The following C12orf42 variants were observed in gnomAD, a reference collection of about 807,000 sequenced individuals.
The protein encoded by C12orf42 is uncharacterized protein C12orf42.
A neutral mutation model predicts 21.6 loss-of-function variants in C12orf42; 25 were observed. The ratio of observed to expected loss-of-function variants is 1.16; its 90% confidence interval spans 0.84 to 1.62. The LOEUF is 1.62. Ranked by LOEUF, C12orf42 falls within the 40% of genes most tolerant of loss-of-function variation. C12orf42 has a pLI of 0.00. For synonymous variants in C12orf42, 174 were observed against 175.0 expected, an observed-to-expected ratio of 0.99 and a Z score of 0.05; for missense variants, 483 against 459.3, an observed-to-expected ratio of 1.05 and a Z score of -0.47.
chr12:103,414,658 T>C (rs1448539458), intron 2 of C12orf42, among the ~76,000 whole-genome samples: 2 of 152,192 alleles, frequency 1.3e-5, no homozygotes, highest in Non-Finnish European at 2.9e-5. Context: ...TTGTGGCTAT[T>C]GTAAGTAGGA....
the C12orf42 span, among the ~76,000 whole-genome samples, chr12:103,091,622 C>T: frequency 2.0e-5 from 3 of 152,080 alleles, no homozygotes; most frequent in East Asian, 3.9e-4. Flanking sequence ...TGGGATCATT[C>T]GATTGTCAGC....
the C12orf42 span, among the ~76,000 whole-genome samples, chr12:103,216,808 A>C: frequency 5.3e-5 from 8 of 152,068 alleles, no homozygotes; most frequent in Non-Finnish European, 7.4e-5. Context: ...GACAAACACC[A>C]AGTCCTCCAT....
intron 4 of C12orf42, among the ~76,000 whole-genome samples, chr12:103,351,101 C>G (rs1289510287): frequency 2.0e-5 from 3 of 152,100 alleles, no homozygotes; most frequent in Admixed American, 1.3e-4. Context: ...AAAATAAGCT[C>G]TATAAGGTGT....
the C12orf42 span, among the ~76,000 whole-genome samples, chr12:103,192,020 AC>A: frequency 1.3e-5 from 2 of 152,274 alleles, no homozygotes; most frequent in Middle Eastern, 6.8e-3. Flanking sequence ...ATATATTGCT[AC>A]AAAAAATCAT....
chr12:103,249,598 C>T (rs889257382), intron 10 of C12orf42, among the ~76,000 whole-genome samples: 8 of 152,024 alleles, frequency 5.3e-5, no homozygotes, highest in Non-Finnish European at 7.4e-5. Context: ...TTACACTATC[C>T]CATATCTGTT....
At chr12:103,479,400 C>CA (rs1223618464) in intron 1 of C12orf42, among the ~76,000 whole-genome samples, 2 of 151,720 alleles carry the variant, frequency 1.3e-5, no homozygotes, top group Non-Finnish European at 2.9e-5. Context: ...TGTGGAGTTG[C>CA]AAAAAATAAG....
the C12orf42 span, among the ~76,000 whole-genome samples, chr12:103,543,890 TG>T: frequency 0.34 from 36,657 of 108,820 alleles, 5,111 homozygotes; most frequent in South Asian, 0.53. Context: ...GTTTTTTTTT[TG>T]TTTTGTTTTT....
chr12:103,291,151 T>G (rs1419305734), intron 4 of C12orf42, among the ~76,000 whole-genome samples: 1 of 152,156 alleles, frequency 6.6e-6, no homozygotes, highest in Non-Finnish European at 1.5e-5. Context: ...TAAAGAAAAC[T>G]TAGAAGTCCA....
At chr12:103,098,395 C>T in the C12orf42 span, among the ~76,000 whole-genome samples, 1 of 152,158 alleles carries the variant, frequency 6.6e-6, no homozygotes, top group Admixed American at 6.5e-5. Context: ...ACAGCTCTTA[C>T]AAACAAATGA....
intron 2 of C12orf42, among the ~76,000 whole-genome samples, chr12:103,459,155 G>C (rs555514938): frequency 6.6e-6 from 1 of 152,288 alleles, no homozygotes; most frequent in South Asian, 2.1e-4. Flanking sequence ...GTATTTCCCA[G>C]GAAGGGCTCA....
chr12:103,477,460 G>C (rs940213770), intron 2 of C12orf42, among the ~76,000 whole-genome samples: 3 of 152,072 alleles, frequency 2.0e-5, no homozygotes, highest in Non-Finnish European at 4.4e-5. Context: ...ATGTCCTAAT[G>C]CCTAGAACCT....
chr12:103,068,627 G>A, the C12orf42 span, among the ~76,000 whole-genome samples: 20 of 151,940 alleles, frequency 1.3e-4, no homozygotes, highest in African/African-American at 4.6e-4. Context: ...ATCTGAGTGG[G>A]CACCATATAA....
the C12orf42 span, among the ~76,000 whole-genome samples, chr12:103,127,637 G>T: frequency 6.6e-6 from 1 of 152,122 alleles, no homozygotes; most frequent in Non-Finnish European, 1.5e-5. Flanking sequence ...GACATATTTT[G>T]TTTGTCACAA....
chr12:103,484,029 T>C (rs1373806294), intron 1 of C12orf42, among the ~76,000 whole-genome samples: 2 of 152,244 alleles, frequency 1.3e-5, no homozygotes, highest in Non-Finnish European at 2.9e-5. Flanking sequence ...CCATGGTGTA[T>C]ACGTGCCACA....
At chr12:103,362,667 G>A (rs1475055873) in intron 4 of C12orf42, among the ~76,000 whole-genome samples, 1 of 151,974 alleles carries the variant, frequency 6.6e-6, no homozygotes. Flanking sequence ...ACAACTTCAG[G>A]AAATAAAGGA....
the C12orf42 span, among the ~76,000 whole-genome samples, chr12:103,193,110 T>C: frequency 2.6e-5 from 4 of 152,160 alleles, no homozygotes; most frequent in South Asian, 2.1e-4. Flanking sequence ...CTCACAAATA[T>C]GTGAAAATTC....
intron 5 of C12orf42, 98 bp from the exon 6 acceptor site, chr12:103,302,657 T>C: frequency 9.8e-7 from 1 of 1,018,492 alleles, no homozygotes; most frequent in African/African-American, 1.7e-5. Flanking sequence ...AAATCAACAT[T>C]TGTAATGTGC....
At chr12:103,057,343 C>G in the C12orf42 span, among the ~76,000 whole-genome samples, 2 of 152,048 alleles carry the variant, frequency 1.3e-5, no homozygotes, top group Non-Finnish European at 2.9e-5. Context: ...TAATGCTCTC[C>G]CTCCCGTTGC....
chr12:103,118,671 G>A, the C12orf42 span, among the ~76,000 whole-genome samples: 34 of 150,702 alleles, frequency 2.3e-4, no homozygotes, highest in African/African-American at 3.9e-4. Flanking sequence ...GGTGGTGGGC[G>A]CCTGTAGTCC....
Sources: gnomAD v4.1 joint callset for allele counts (sites outside exome capture counted in the v4.1 genomes callset) on GRCh38, gnomAD v4.1.1 for gene constraint, MANE v1.5 for transcripts, NCBI Gene and HGNC (gene_info 2026-07-23, HGNC 2026-07-21) for gene names.